The following FAM117B variants were observed in gnomAD, a reference collection of about 807,000 sequenced individuals.
FAM117B encodes family with sequence similarity 117 member B.
Under a neutral mutation model 52.8 loss-of-function variants are expected in FAM117B, and 22 were observed. That is an observed-to-expected ratio of 0.42 (90% CI 0.30 to 0.59). The LOEUF is 0.59. FAM117B is among the 20% of genes least tolerant of loss of function. The pLI, the probability that FAM117B is intolerant of heterozygous loss-of-function variation, is 0.22. For missense variants in FAM117B, 678 were observed against 802.6 expected (o/e 0.84, Z 1.88); for synonymous variants, 309 against 324.1 (o/e 0.95, Z 0.50).
intron 1 of FAM117B, among the ~76,000 whole-genome samples, chr2:202,640,922 C>G (rs755824102): frequency 9.9e-5 from 15 of 152,062 alleles, no homozygotes; most frequent in Non-Finnish European, 1.8e-4. Context: ...AAAGGGAATT[C>G]TTTTGGTTTG....
chr2:202,720,712 A>C (rs1323399255), intron 2 of FAM117B, among the ~76,000 whole-genome samples: 2 of 152,016 alleles, frequency 1.3e-5, no homozygotes, highest in Non-Finnish European at 1.5e-5. Flanking sequence ...AGTCTTTCTT[A>C]ATTTAGAACA....
Position 202,635,584 on chromosome 2 carries a change from G to A in FAM117B, c.397G>A (p.Ala133Thr). The change falls in exon 1 of 8, where the codon GCT (alanine) becomes ACT (threonine). Residue 133 changes from alanine to threonine, a missense_variant. By Grantham distance (58) the Ala-to-Thr change is moderately conservative. This residue lies in a region of FAM117B where 583 missense variants were observed against 644.8 expected (regional missense o/e 0.90). Coordinates refer to ENST00000392238, the MANE Select transcript of FAM117B (RefSeq NM_173511.4). Reference protein sequence around the residue: ...TSPTRSAAPGARGSPPRPPPP... With the variant: ...TSPTRSAAPGTRGSPPRPPPP... Reference sequence around the variant, plus strand: ...CCCCACGCGCAGCGCCGCGCCTGGAGCTCGCGGGAGCCCCCCACGGCCGCC... The same window carrying A: ...CCCCACGCGCAGCGCCGCGCCTGGAACTCGCGGGAGCCCCCCACGGCCGCC... The A allele has an allele frequency of 8.0e-7, 1 of 1,251,132 alleles. No individual in the cohort carries two copies. Among genetic ancestry groups the A allele is most frequent in the Non-Finnish European group, 1.0e-6 (1 of 1,003,002 alleles). 77.5% of individuals were successfully genotyped at this position (1,251,132 alleles called of 1,614,324 possible).
At chr2:202,684,607 T>TG (rs1690511473) in intron 1 of FAM117B, among the ~76,000 whole-genome samples, 1 of 152,202 alleles carries the variant, frequency 6.6e-6, no homozygotes, top group Non-Finnish European at 1.5e-5. Context: ...TGCTGTTTAA[T>TG]GTTTTTAAGT....
At chr2:202,672,614 T>C (rs752709105) in intron 1 of FAM117B, among the ~76,000 whole-genome samples, 1 of 152,240 alleles carries the variant, frequency 6.6e-6, no homozygotes, top group Non-Finnish European at 1.5e-5. Context: ...TTCACATTCT[T>C]ATATAAGTCA....
intron 4 of FAM117B, among the ~76,000 whole-genome samples, chr2:202,740,505 TTG>T (rs1189059856): frequency 6.6e-6 from 1 of 152,182 alleles, no homozygotes; most frequent in African/African-American, 2.4e-5. Context: ...TATAGTGTAT[TTG>T]TGCTTATTTT....
intron 7 of FAM117B, 150 bp from the exon 8 acceptor site, chr2:202,765,295 GT>G (rs1044704891): frequency 3.5e-5 from 26 of 733,484 alleles, no homozygotes; most frequent in Admixed American, 6.0e-5. Context: ...ATGTTTGAAG[GT>G]GGGGGACAGA....
chr2:202,690,529 C>T (rs549483432), intron 1 of FAM117B, among the ~76,000 whole-genome samples: 2 of 152,114 alleles, frequency 1.3e-5, no homozygotes, highest in South Asian at 2.1e-4. Context: ...ACTATGAGTT[C>T]GGGTGGGTGG....
chr2:202,745,649 A>G (rs530994843), intron 4 of FAM117B, among the ~76,000 whole-genome samples: 1 of 152,364 alleles, frequency 6.6e-6, no homozygotes, highest in Admixed American at 6.5e-5. Flanking sequence ...TAGAAGATGT[A>G]GACTGGCTGA....
intron 1 of FAM117B, among the ~76,000 whole-genome samples, chr2:202,682,428 G>T (rs961439076): frequency 2.0e-5 from 3 of 152,126 alleles, no homozygotes; most frequent in Non-Finnish European, 4.4e-5. Context: ...AAAAGCAGTC[G>T]CCCAACCACT....
intron 1 of FAM117B, among the ~76,000 whole-genome samples, chr2:202,645,931 C>T (rs1347610442): frequency 2.0e-5 from 3 of 151,986 alleles, no homozygotes; most frequent in Non-Finnish European, 4.4e-5. Flanking sequence ...ATCTTGTATT[C>T]GTTTTATTGA....
chr2:202,714,533 C>CTTTTTTTTT (rs1034689626), intron 2 of FAM117B, among the ~76,000 whole-genome samples: 6 of 117,646 alleles, frequency 5.1e-5, no homozygotes, highest in South Asian at 2.6e-4. Context: ...TTTTTTTTTT[C>CTTTTTTTTT]TTTTTTTTTT....
intron 2 of FAM117B, among the ~76,000 whole-genome samples, chr2:202,697,586 T>C (rs1374779586): frequency 6.6e-6 from 1 of 151,442 alleles, no homozygotes; most frequent in Admixed American, 6.6e-5. Context: ...AATCTCGCTG[T>C]GTCGCCCAGG....
At chr2:202,659,855 G>A (rs773287271) in intron 1 of FAM117B, among the ~76,000 whole-genome samples, 10 of 151,354 alleles carry the variant, frequency 6.6e-5, no homozygotes, top group African/African-American at 9.7e-5. Flanking sequence ...TCCTGACCTC[G>A]TGATCCACCC....
intron 1 of FAM117B, among the ~76,000 whole-genome samples, chr2:202,675,445 C>CAAAAAAAAAAA (rs386392341): frequency 4.4e-5 from 3 of 67,806 alleles, no homozygotes; most frequent in African/African-American, 1.9e-4. Flanking sequence ...GACCTTATCT[C>CAAAAAAAAAAA]AAAAAAAAAA....
intron 4 of FAM117B, among the ~76,000 whole-genome samples, chr2:202,734,113 G>A (rs574590875): frequency 1.8e-4 from 27 of 152,328 alleles, no homozygotes; most frequent in African/African-American, 6.0e-4. Context: ...TGGTGGTTGA[G>A]TAGGGCTGGG....
intron 3 of FAM117B, 53 bp downstream of exon 3, chr2:202,725,062 G>A: frequency 7.1e-7 from 1 of 1,404,930 alleles, no homozygotes; most frequent in Non-Finnish European, 1.0e-6. Context: ...CCTTTTGTTG[G>A]CTATTTCCTT....
chr2:202,695,236 C>T (rs532905576), intron 1 of FAM117B, among the ~76,000 whole-genome samples: 1 of 151,514 alleles, frequency 6.6e-6, no homozygotes, highest in Admixed American at 6.6e-5. Context: ...CTTTTTGTTT[C>T]TGTTTATATA....
At chr2:202,738,911 A>G (rs2105792291) in intron 4 of FAM117B, among the ~76,000 whole-genome samples, 1 of 152,312 alleles carries the variant, frequency 6.6e-6, no homozygotes, top group South Asian at 2.1e-4. Flanking sequence ...TATGTCGGCC[A>G]GGTGTGGTGG....
At chr2:202,745,193 T>G (rs770036342) in intron 4 of FAM117B, among the ~76,000 whole-genome samples, 2 of 151,080 alleles carry the variant, frequency 1.3e-5, no homozygotes, top group Non-Finnish European at 2.9e-5. Context: ...GGCATGAGAA[T>G]CTCTTGAACC....
Sources: allele counts gnomAD v4.1 joint callset (sites outside exome capture counted in the v4.1 genomes callset), GRCh38; gene constraint gnomAD v4.1.1; regional missense constraint gnomAD v4.1.1; transcripts MANE v1.5; gene names NCBI Gene and HGNC (gene_info 2026-07-23, HGNC 2026-07-21).